The following RRAGB variants were observed in gnomAD, a reference collection of about 807,000 sequenced individuals.
RRAGB encodes the protein Ras related GTP binding B, also known as ras-related GTP-binding protein B.
A neutral mutation model predicts 29.3 loss-of-function variants in RRAGB; 6 were observed. The observed-to-expected ratio is 0.21, with a 90% confidence interval of 0.11 to 0.40. RRAGB has a LOEUF of 0.40. Among genes scored for constraint, RRAGB ranks in the 10% least tolerant of loss-of-function variants. The pLI, the probability that RRAGB is intolerant of heterozygous loss-of-function variation, is 1.00. For missense variants in RRAGB, 184 were observed against 272.9 expected, an observed-to-expected ratio of 0.67 and a Z score of 2.29; for synonymous variants, 101 against 92.5, an observed-to-expected ratio of 1.09 and a Z score of -0.53.
chrX:55,722,781 G>C (rs765929897), intron 3 of RRAGB, among the ~76,000 whole-genome samples: 1 of 111,938 alleles, frequency 8.9e-6, no homozygotes, highest in Non-Finnish European at 1.9e-5. Flanking sequence ...TCTCATTAGA[G>C]TTTTGGTTCT....
chrX:55,757,831 A>C (rs1306388542), intron 9 of RRAGB, among the ~76,000 whole-genome samples: 2 of 111,580 alleles, frequency 1.8e-5, no homozygotes, highest in Non-Finnish European at 3.8e-5. Context: ...TGTTATGGGC[A>C]TGAAGGGGTG....
At position 55,722,402 on chromosome X, in the gene RRAGB, A is replaced by G. The variant is rs189848602; in HGVS notation, c.226+117A>G. 2.7e-4 allele frequency: 112 copies of G among 420,260 alleles called. 1 individual carries two copies. In the East Asian group the frequency reaches 3.6e-3, roughly 13 times the overall value. The allele number at this position is 420,260 out of a possible 1,213,427, so 34.6% of individuals were successfully genotyped here. On this transcript the variant is annotated intron_variant, in intron 3 of 9. Transcript: ENST00000374941. ...GAGGTTGGGGAATTTGTTATGGAGC[A>G]TGTTTACCCTTTTTGCATTCGTTTT...
chrX:55,745,669 T>C (rs1048552286), intron 5 of RRAGB, among the ~76,000 whole-genome samples: 1 of 112,285 alleles, frequency 8.9e-6, no homozygotes, highest in African/African-American at 3.2e-5. Context: ...ATATGCAATA[T>C]TGCTTTTGGT....
intron 3 of RRAGB, among the ~76,000 whole-genome samples, chrX:55,722,868 G>A (rs1012508161): frequency 9.0e-6 from 1 of 111,390 alleles, no homozygotes; most frequent in South Asian, 3.7e-4. Flanking sequence ...GACAGTGAAT[G>A]TAGGATCCTG....
chrX:55,743,989 C>T (rs2034164091), intron 5 of RRAGB, among the ~76,000 whole-genome samples: 1 of 111,360 alleles, frequency 9.0e-6, no homozygotes, highest in South Asian at 3.8e-4. Flanking sequence ...CCAGATGGCA[C>T]CTGCGTATCA....
chrX:55,748,517 G>A (rs1264159590), intron 5 of RRAGB, among the ~76,000 whole-genome samples: 3 of 110,834 alleles, frequency 2.7e-5, no homozygotes, highest in African/African-American at 9.9e-5. Flanking sequence ...CCTCTGCCCC[G>A]CCACCCCGTC....
rs1388458744 is a variant in RRAGB, at chrX:55,752,926, A to G, written c.613-466A>G. ...TATTATTCTATTGAGGGGAGGGGCCATTTGTCTATGTGGCTCTGCTACTTT... is the reference window on the plus strand; with the variant it reads ...TATTATTCTATTGAGGGGAGGGGCCGTTTGTCTATGTGGCTCTGCTACTTT... On this transcript the variant is annotated intron_variant, in intron 6 of 9. Transcript: ENST00000374941. Among the ~76,000 whole-genome samples, 3 of 111,759 alleles carry G rather than the reference A, an allele frequency of 2.7e-5. No individual in the cohort carries two copies. The Admixed American group carries it at 2.8e-4, about 11-fold the overall frequency.
intron 5 of RRAGB, among the ~76,000 whole-genome samples, chrX:55,748,247 G>A (rs2147115070): frequency 8.9e-6 from 1 of 112,371 alleles, no homozygotes; most frequent in South Asian, 3.7e-4. Context: ...GCCTGCCTTG[G>A]CCTCCCAAAG....
rs754926762 is a variant in RRAGB, at chrX:55,753,427, T to C, written c.648T>C (p.Asn216=). Residue 216 remains asparagine, a synonymous_variant, in exon 7 of 10, where the codon AAT becomes AAC. Transcript: ENST00000374941. ...GCATAGTTTATCAGCTGATTCCCAA[T>C]GTTCAGCAGCTGGAAATGAACCTAA... The part of the protein sequence containing the change: ...WSSIVYQLIP[N]VQQLEMNLRN... 2 of 1,202,926 alleles carry C rather than the reference T, an allele frequency of 1.7e-6. No individual in the cohort carries two copies. The highest frequency in any genetic ancestry group is 2.3e-6 in the Non-Finnish European group (2 of 888,145).
chrX:55,725,668 G>A (rs1466136948), intron 3 of RRAGB, among the ~76,000 whole-genome samples: 3 of 111,188 alleles, frequency 2.7e-5, no homozygotes, highest in Non-Finnish European at 5.7e-5. Flanking sequence ...TAACTTATTA[G>A]GGGGCTGCTA....
intron 3 of RRAGB, among the ~76,000 whole-genome samples, chrX:55,727,654 C>T (rs1043535191): frequency 7.2e-5 from 8 of 111,786 alleles, no homozygotes; most frequent in Non-Finnish European, 1.5e-4. Context: ...ATTCCAAAGC[C>T]TGTGCTTTTT....
rs1169618500 is a variant in RRAGB at position 55,726,149 on chromosome X, G to GT, written c.227-3143dup. Among the ~76,000 whole-genome samples the GT allele has an allele frequency of 2.1e-4, 5 of 23,661 alleles. No individual in the cohort carries two copies. The East Asian group carries it at 0.062, about 292-fold the overall frequency. The allele number at this position is 23,661 out of a possible 115,157, so 20.5% of individuals were successfully genotyped here. A position where few individuals can be genotyped will look rare whatever the true frequency, so the allele number is the denominator to read the frequency against. ...ACAGGTCCCAGGGATTAAGGAAAAT[G>GT]TTAAAAAAAAAAAGAAAAGCAACAT... On this transcript the variant is annotated intron_variant, in intron 3 of 9. Transcript: ENST00000374941.
chrX:55,730,933 C>A (rs146227049), intron 4 of RRAGB, among the ~76,000 whole-genome samples: 19 of 110,314 alleles, frequency 1.7e-4, no homozygotes, highest in African/African-American at 5.3e-4. Context: ...GAACTGAAAT[C>A]TAAAGAGACA....
chrX:55,747,416 T>C (rs1442704268), intron 5 of RRAGB, among the ~76,000 whole-genome samples: 1 of 111,848 alleles, frequency 8.9e-6, no homozygotes, highest in Non-Finnish European at 1.9e-5. Context: ...CAGTCTCAGC[T>C]CTGCAGCTAT....
chrX:55,753,984 G>A (rs1019719059), intron 7 of RRAGB, among the ~76,000 whole-genome samples: 1 of 112,054 alleles, frequency 8.9e-6, no homozygotes, highest in Non-Finnish European at 1.9e-5. Context: ...GGCGGAGGTT[G>A]GGGTGAGCTG....
chrX:55,736,334 G>A (rs1602039001), intron 5 of RRAGB, among the ~76,000 whole-genome samples: 1 of 111,996 alleles, frequency 8.9e-6, no homozygotes, highest in South Asian at 3.7e-4. Context: ...ATCTGATTGT[G>A]TTAATTTGAA....
chrX:55,749,162 AG>A (rs2034409245), intron 5 of RRAGB, among the ~76,000 whole-genome samples: 5 of 88,334 alleles, frequency 5.7e-5, no homozygotes, highest in Admixed American at 4.8e-4. Flanking sequence ...CTGCCCGGCC[AG>A]CCGCCCCGTC....
At chrX:55,751,219 C>T in intron 6 of RRAGB, 23 bp downstream of exon 6, 1 of 888,309 alleles carries the variant, frequency 1.1e-6, no homozygotes, top group Non-Finnish European at 1.6e-6. Flanking sequence ...CCCTGAGTTC[C>T]CTCATTTTAA....
At chrX:55,719,618 C>T (rs1227046951) in intron 2 of RRAGB, among the ~76,000 whole-genome samples, 2 of 112,058 alleles carry the variant, frequency 1.8e-5, no homozygotes, top group African/African-American at 6.5e-5. Flanking sequence ...AAAATCTGTT[C>T]CTGACCAAAC....
Sources: gnomAD v4.1 joint callset for allele counts (sites outside exome capture counted in the v4.1 genomes callset) on GRCh38, gnomAD v4.1.1 for gene constraint, MANE v1.5 for transcripts, NCBI Gene and HGNC (gene_info 2026-07-23, HGNC 2026-07-21) for gene names.